Variants in ZUP1 observed in about 807,000 individuals in gnomAD.
ZUP1 encodes the protein zinc finger containing ubiquitin peptidase 1.
ZUP1 carries 55 observed loss-of-function variants against 68.1 expected under a neutral mutation model. The ratio of observed to expected loss-of-function variants is 0.81; its 90% CI spans 0.65 to 1.01. The LOEUF (loss-of-function observed/expected upper bound fraction) is 1.01. Ranked by LOEUF, ZUP1 falls within the 50% of genes least tolerant of loss-of-function variation. The probability of loss-of-function intolerance (pLI) is 0.00; values close to 1 mark genes in which losing one functional copy is unlikely to be tolerated. For missense variants in ZUP1, 684 were observed against 674.9 expected (o/e 1.01, Z -0.15); for synonymous variants, 223 against 221.5 (o/e 1.01, Z -0.06).
intron 5 of ZUP1, among the ~76,000 whole-genome samples, chr6:116,655,060 C>A (rs1198663327): frequency 6.6e-6 from 1 of 151,494 alleles, no homozygotes; most frequent in African/African-American, 2.4e-5. Flanking sequence ...AAACTGGAAG[C>A]AATCTAAATG....
chr6:116,649,164 G>C (rs541615935), intron 7 of ZUP1, among the ~76,000 whole-genome samples: 1 of 152,012 alleles, frequency 6.6e-6, no homozygotes, highest in South Asian at 2.1e-4. Flanking sequence ...CACAACATTA[G>C]TTTTTCTATG....
At chr6:116,656,919 T>C (rs1004575862) in intron 4 of ZUP1, 67 bp from the exon 5 acceptor site, 26 of 1,094,766 alleles carry the variant, frequency 2.4e-5, no homozygotes, top group Admixed American at 3.4e-5. Flanking sequence ...TGGAAACTTA[T>C]TAAAATTTTA....
At chr6:116,660,664 TC>T (rs3839370) in intron 3 of ZUP1, 71 bp downstream of exon 3, 260,516 of 816,328 alleles carry the variant, frequency 0.32, 43,125 homozygotes, top group African/African-American at 0.5. Flanking sequence ...ATATCACAAA[TC>T]TAAAAATTAG....
intron 2 of ZUP1, among the ~76,000 whole-genome samples, 186 bp downstream of exon 2, chr6:116,666,448 T>A (rs1777011926): frequency 2.0e-5 from 3 of 152,220 alleles, no homozygotes. Context: ...ACATTTTATA[T>A]CTGCATTAAA....
chr6:116,651,759 T>C, intron 6 of ZUP1, 22 bp from the exon 7 acceptor site: 4 of 1,611,508 alleles, frequency 2.5e-6, no homozygotes, highest in Non-Finnish European at 3.4e-6. Flanking sequence ...CAAGCAAACA[T>C]GTTACATGAC....
chr6:116,661,205 T>C (rs1776829464), intron 2 of ZUP1, among the ~76,000 whole-genome samples: 1 of 151,962 alleles, frequency 6.6e-6, no homozygotes, highest in South Asian at 2.1e-4. Flanking sequence ...AACTTTTAGA[T>C]TTTTTCACCC....
In ZUP1 at chr6:116,666,787, GT is replaced by G; in HGVS notation, c.405del (p.Lys135AsnfsTer5). 1.2e-6 allele frequency: 2 copies of G among 1,613,670 alleles called. No individual in the cohort carries two copies. The highest frequency in any genetic ancestry group is 1.7e-6 in the Non-Finnish European group (2 of 1,179,852). On this transcript the variant is annotated frameshift_variant, in exon 2 of 10. Coordinates refer to ENST00000368576, the MANE Select transcript of ZUP1 (RefSeq NM_145062.3). LOFTEE classifies it high-confidence loss of function. ...CCTTTTATTTCGGTCAGGCTGGACT[GT>G]TTTTCCCTACTTTTCAGGAATTTTC... is the stretch of plus-strand genomic sequence containing the variant. ...ESRKFLKSRE[K>X]QSSLTEIKGS...
At chr6:116,650,571 TC>T (rs1349438983) in intron 7 of ZUP1, among the ~76,000 whole-genome samples, 1 of 152,138 alleles carries the variant, frequency 6.6e-6, no homozygotes, top group Non-Finnish European at 1.5e-5. Flanking sequence ...TACTTTATTA[TC>T]CCATTTAATT....
chr6:116,646,190 C>T (rs947800404), intron 8 of ZUP1: 6 of 309,974 alleles, frequency 1.9e-5, no homozygotes, highest in African/African-American at 4.3e-5. Context: ...TTTTCCTTTC[C>T]CAATCCTTTG....
chr6:116,664,275 A>ACAAAAATTAACTAGG (rs1554252567), intron 2 of ZUP1, among the ~76,000 whole-genome samples: 1 of 152,082 alleles, frequency 6.6e-6, no homozygotes, highest in Non-Finnish European at 1.5e-5. Flanking sequence ...TACTAAAAGT[A>ACAAAAATTAACTAGG]CAAAAATTAA....
intron 1 of ZUP1, among the ~76,000 whole-genome samples, chr6:116,667,864 C>A (rs1777057912): frequency 6.6e-6 from 1 of 152,066 alleles, no homozygotes; most frequent in Non-Finnish European, 1.5e-5. Flanking sequence ...ATTCCAGAGT[C>A]AAGAGAACTG....
intron 7 of ZUP1, among the ~76,000 whole-genome samples, chr6:116,649,122 TTAAA>T (rs1223963977): frequency 6.6e-5 from 10 of 152,154 alleles, no homozygotes; most frequent in South Asian, 2.1e-4. Flanking sequence ...AAATAGTTCT[TTAAA>T]TAATTCAAGA....
chr6:116,635,787 C>T lies in ZUP1; in HGVS notation c.*45G>A. ...GAGTTCAATATCTACATTTAGAAAA[C>T]AAAGTATTGTTCTCAATCACTGAAA... is the stretch of plus-strand genomic sequence containing the variant. On this transcript the variant is annotated 3_prime_UTR_variant, in exon 10 of 10. Transcript: ENST00000368576. 1 of 1,517,358 alleles carries T rather than the reference C, an allele frequency of 6.6e-7. No individual in the cohort carries two copies. The highest frequency in any genetic ancestry group is 2.3e-5 in the East Asian group (1 of 42,942). 94.0% of individuals were successfully genotyped at this position (1,517,358 alleles called of 1,614,324 possible).
In ZUP1 at chr6:116,658,802, C is replaced by A. The variant is rs749498336; in HGVS notation, c.792+1G>T. The A allele has an allele frequency of 1.3e-6, 2 of 1,564,314 alleles. No homozygotes were observed. Among genetic ancestry groups the A allele is most frequent in the South Asian group, 1.1e-5 (1 of 88,050 alleles). On this transcript the variant is annotated splice_donor_variant, in intron 4 of 9. Transcript: ENST00000368576. LOFTEE classifies it high-confidence loss of function. ...ATTATAATTGTTATTAATCTTTGTACCTGCAGCTTCTGAAATTCTTCTATT... is the reference window on the plus strand; with the variant it reads ...ATTATAATTGTTATTAATCTTTGTAACTGCAGCTTCTGAAATTCTTCTATT...
At chr6:116,667,971 AT>A (rs1777060942) in intron 1 of ZUP1, among the ~76,000 whole-genome samples, 1 of 152,150 alleles carries the variant, frequency 6.6e-6, no homozygotes, top group South Asian at 2.1e-4. Context: ...TTATTTTTGG[AT>A]TTTATGGACA....
chr6:116,645,108 C>G (rs1171988283), intron 9 of ZUP1, among the ~76,000 whole-genome samples: 1 of 150,960 alleles, frequency 6.6e-6, no homozygotes, highest in Non-Finnish European at 1.5e-5. Flanking sequence ...GTAAACTGCA[C>G]ATATTTAAAA....
At chr6:116,647,892 G>A (rs1054533458) in intron 7 of ZUP1, among the ~76,000 whole-genome samples, 1 of 151,934 alleles carries the variant, frequency 6.6e-6, no homozygotes, top group Admixed American at 6.6e-5. Context: ...CTAACCTAAA[G>A]GTTACAAACA....
chr6:116,640,482 C>T lies in ZUP1; in HGVS notation c.1690-4603G>A, dbSNP rs1309493129. On this transcript the variant is annotated intron_variant, in intron 9 of 9. Coordinates refer to ENST00000368576, the MANE Select transcript of ZUP1 (RefSeq NM_145062.3). ...AAAGGGAAGCCCATCAGACTAACAGCGGATCTCTCAGCAGAAACTCTACAA... is the reference window on the plus strand; with the variant it reads ...AAAGGGAAGCCCATCAGACTAACAGTGGATCTCTCAGCAGAAACTCTACAA... Among the ~76,000 whole-genome samples the T allele has an allele frequency of 7.9e-5, 12 of 151,986 alleles. No individual in the cohort carries two copies. The South Asian group carries it at 1.0e-3, about 13-fold the overall frequency.
intron 7 of ZUP1, 60 bp downstream of exon 7, chr6:116,651,512 T>C: frequency 7.0e-7 from 1 of 1,437,758 alleles, no homozygotes; most frequent in Non-Finnish European, 9.3e-7. Context: ...AAAATAAAAT[T>C]TTACAAAACA....
Sources: gnomAD v4.1 joint callset for allele counts (sites outside exome capture counted in the v4.1 genomes callset) on GRCh38, gnomAD v4.1.1 for gene constraint, MANE v1.5 for transcripts, NCBI Gene and HGNC (gene_info 2026-07-23, HGNC 2026-07-21) for gene names.